CDH12: variants seen among roughly 807,000 people sequenced by gnomAD.
CDH12 encodes the protein cadherin 12.
A neutral mutation model predicts 74.1 loss-of-function variants in CDH12; 41 were observed. The observed-to-expected ratio is 0.55, with a 90% confidence interval of 0.43 to 0.72. CDH12 has a LOEUF of 0.72. Ranked by LOEUF, CDH12 falls within the 30% of genes least tolerant of loss-of-function variation. The probability of loss-of-function intolerance (pLI) is 0.00; values close to 1 mark genes in which losing one functional copy is unlikely to be tolerated. For synonymous variants in CDH12, 399 were observed against 355.0 expected (o/e 1.12, Z -1.39); for missense variants, 945 against 977.2 (o/e 0.97, Z 0.44).
chr5:22,598,843 C>T (rs1480755347), intron 1 of CDH12, among the ~76,000 whole-genome samples: 3 of 152,134 alleles, frequency 2.0e-5, no homozygotes, highest in Non-Finnish European at 4.4e-5. Context: ...TTCCTACCAT[C>T]CCCCTCCTTG....
At chr5:22,270,171 G>A (rs1736325227) in intron 3 of CDH12, among the ~76,000 whole-genome samples, 1 of 152,092 alleles carries the variant, frequency 6.6e-6, no homozygotes, top group African/African-American at 2.4e-5. Context: ...ACTCATTACA[G>A]CCTGACACTC....
intron 1 of CDH12, among the ~76,000 whole-genome samples, chr5:22,665,715 C>T (rs1244867638): frequency 6.6e-6 from 1 of 152,140 alleles, no homozygotes; most frequent in Non-Finnish European, 1.5e-5. Context: ...ATTTCATAAA[C>T]ATATTTTACT....
intron 6 of CDH12, among the ~76,000 whole-genome samples, chr5:21,945,734 CAAG>C (rs1287545409): frequency 6.7e-5 from 10 of 149,348 alleles, no homozygotes; most frequent in African/African-American, 2.5e-4. Flanking sequence ...ACTGTCTGAA[CAAG>C]AAGAAGAAAA....
chr5:22,636,069 T>C (rs1200705345), intron 1 of CDH12, among the ~76,000 whole-genome samples: 1 of 151,996 alleles, frequency 6.6e-6, no homozygotes, highest in African/African-American at 2.4e-5. Context: ...AATATATAAA[T>C]TATCAATAAG....
intron 2 of CDH12, among the ~76,000 whole-genome samples, chr5:22,437,174 A>C (rs1214921490): frequency 1.3e-5 from 2 of 152,124 alleles, no homozygotes; most frequent in South Asian, 2.1e-4. Context: ...ATGAATTGTT[A>C]ACCTTATAGA....
In CDH12 at chr5:22,552,792, C is replaced by T. The variant is rs561880193; in HGVS notation, c.-522-47428G>A. 6.6e-5 allele frequency among the ~76,000 whole-genome samples: 10 copies of T among 152,040 alleles called. No individual in the cohort carries two copies. The South Asian group carries it at 8.3e-4, about 13-fold the overall frequency. On this transcript the variant is annotated intron_variant, in intron 1 of 14. Transcript: ENST00000382254. ...TGAGTTTTCATCGATCACATTGTAC[C>T]GTAGTTTTATGTCTATGGATTTTTT... is the stretch of plus-strand genomic sequence containing the variant.
intron 2 of CDH12, among the ~76,000 whole-genome samples, chr5:22,438,916 G>A (rs954738423): frequency 2.0e-4 from 31 of 151,468 alleles, no homozygotes; most frequent in East Asian, 9.7e-4. Context: ...TTAAAATAAT[G>A]TCAATGTGAT....
At chr5:22,442,412 G>T (rs1284199897) in intron 2 of CDH12, among the ~76,000 whole-genome samples, 1 of 152,152 alleles carries the variant, frequency 6.6e-6, no homozygotes, top group Non-Finnish European at 1.5e-5. Flanking sequence ...GGCTGAGACT[G>T]CAGGAATGCC....
chr5:22,396,533 T>C (rs1202320072), intron 3 of CDH12, among the ~76,000 whole-genome samples: 2 of 152,080 alleles, frequency 1.3e-5, no homozygotes, highest in African/African-American at 2.4e-5. Flanking sequence ...AGGTGACTGA[T>C]AGAAGGGAAG....
At chr5:22,244,517 AAAAAAAAAAAAAAAAAGAAG>A (rs1431487473) in intron 3 of CDH12, among the ~76,000 whole-genome samples, 7,791 of 38,168 alleles carry the variant, frequency 0.2, 1,177 homozygotes, top group Non-Finnish European at 0.23. Context: ...AAAAAAAAAA[AAAAAAAAAAAAAAAAAGAAG>A]AAGAAGAAGA....
At chr5:21,766,426 A>T (rs1745028013) in intron 11 of CDH12, among the ~76,000 whole-genome samples, 1 of 151,948 alleles carries the variant, frequency 6.6e-6, no homozygotes, top group African/African-American at 2.4e-5. Context: ...TATTGGTCAC[A>T]AGCCACTATC....
chr5:22,181,763 C>T (rs1362202353), intron 4 of CDH12, among the ~76,000 whole-genome samples: 2 of 152,042 alleles, frequency 1.3e-5, no homozygotes, highest in African/African-American at 2.4e-5. Flanking sequence ...ATGGTAATTT[C>T]CCTTTCTGCA....
chr5:21,877,493 G>A (rs1172931287), intron 6 of CDH12, among the ~76,000 whole-genome samples: 4 of 152,172 alleles, frequency 2.6e-5, no homozygotes, highest in African/African-American at 9.6e-5. Flanking sequence ...TGTCTATTGT[G>A]TAAGTTAATA....
chr5:22,426,878 A>C (rs1743960608), intron 2 of CDH12, among the ~76,000 whole-genome samples: 1 of 152,166 alleles, frequency 6.6e-6, no homozygotes, highest in African/African-American at 2.4e-5. Flanking sequence ...TAAACAAACT[A>C]ATTCTGATAT....
intron 3 of CDH12, among the ~76,000 whole-genome samples, chr5:22,277,465 A>G (rs907075062): frequency 3.3e-5 from 5 of 151,508 alleles, no homozygotes; most frequent in African/African-American, 1.2e-4. Context: ...CTGCCCAGAG[A>G]TATCTTCTCT....
At chr5:21,954,021 G>T (rs1755985444) in intron 6 of CDH12, among the ~76,000 whole-genome samples, 1 of 151,934 alleles carries the variant, frequency 6.6e-6, no homozygotes, top group Non-Finnish European at 1.5e-5. Flanking sequence ...AACTGACATT[G>T]ATGGAAAAGA....
chr5:22,335,595 A>AAAAAAC (rs930316295), intron 3 of CDH12, among the ~76,000 whole-genome samples: 2 of 151,788 alleles, frequency 1.3e-5, no homozygotes, highest in African/African-American at 2.4e-5. Context: ...AAAAGAAAAA[A>AAAAAAC]AAAAACAAAA....
chr5:22,532,497 T>G (rs1437016535), intron 1 of CDH12, among the ~76,000 whole-genome samples: 1 of 150,524 alleles, frequency 6.6e-6, no homozygotes, highest in Non-Finnish European at 1.5e-5. Flanking sequence ...TAGCTGTGTA[T>G]TTTTCTTTTA....
At chr5:22,640,544 C>T (rs1408382962) in intron 1 of CDH12, among the ~76,000 whole-genome samples, 10 of 152,144 alleles carry the variant, frequency 6.6e-5, no homozygotes, top group Non-Finnish European at 1.3e-4. Flanking sequence ...CATTCCCATT[C>T]ATATAATTTA....
Sources: allele counts gnomAD v4.1 joint callset (sites outside exome capture counted in the v4.1 genomes callset), GRCh38; gene constraint gnomAD v4.1.1; transcripts MANE v1.5; gene names NCBI Gene and HGNC (gene_info 2026-07-23, HGNC 2026-07-21).